Variants in CAMKK1 observed in about 807,000 individuals in gnomAD.
CAMKK1 encodes calcium/calmodulin dependent protein kinase kinase 1, also known as calcium/calmodulin-dependent protein kinase kinase 1.
Under a neutral mutation model 63.5 loss-of-function variants are expected in CAMKK1, and 20 were observed. The ratio of observed to expected loss-of-function variants is 0.32; its 90% confidence interval spans 0.22 to 0.46. The LOEUF (loss-of-function observed/expected upper bound fraction) is 0.46. Ranked by LOEUF, CAMKK1 falls within the 20% of genes least tolerant of loss-of-function variation. The probability of loss-of-function intolerance (pLI) is 1.00; values close to 1 mark genes in which losing one functional copy is unlikely to be tolerated. For missense variants in CAMKK1, 588 were observed against 658.1 expected, an observed-to-expected ratio of 0.89 and a Z score of 1.17; for synonymous variants, 253 against 269.0, an observed-to-expected ratio of 0.94 and a Z score of 0.58.
At chr17:3,878,547 C>G (rs562044793) in intron 9 of CAMKK1, among the ~76,000 whole-genome samples, 1 of 152,336 alleles carries the variant, frequency 6.6e-6, no homozygotes, top group Admixed American at 6.5e-5. Context: ...CTTCCCATCC[C>G]ATGCCTCTAG....
chr17:3,882,918 A>G lies in CAMKK1; in HGVS notation c.648+124T>C. The stretch of plus-strand genomic sequence containing the variant: ...ACCCCAAGTCTGGCCCTGTCCTCAG[A>G]GGCCTCAGCCACATCTGCCACCTGG... On this transcript the variant is annotated intron_variant, in intron 6 of 15. Transcript: ENST00000348335. The surrounding 1 kb of genome is among the most constrained non-coding windows in gnomAD (Gnocchi z 4.3). 7.8e-7 allele frequency: 1 copy of G among 1,284,292 alleles called. No individual in the cohort carries two copies. Among genetic ancestry groups the G allele is most frequent in the Non-Finnish European group, 1.1e-6 (1 of 928,194 alleles). The allele number at this position is 1,284,292 out of a possible 1,614,324, so 79.6% of individuals were successfully genotyped here. A position where few individuals can be genotyped will look rare whatever the true frequency, so the allele number is the denominator to read the frequency against.
In CAMKK1 at chr17:3,879,202, C is replaced by G. The variant is rs561825940; in HGVS notation, c.796+1144G>C. 3 of 152,556 alleles carry G rather than the reference C, an allele frequency of 2.0e-5. No individual in the cohort carries two copies. Among genetic ancestry groups the G allele is most frequent in the Non-Finnish European group, 4.4e-5 (3 of 68,318 alleles). 9.5% of individuals were successfully genotyped at this position (152,556 alleles called of 1,614,324 possible). A position where few individuals can be genotyped will look rare whatever the true frequency, so the allele number is the denominator to read the frequency against. On this transcript the variant is annotated intron_variant, in intron 9 of 15. Coordinates refer to ENST00000348335, the MANE Select transcript of CAMKK1 (RefSeq NM_032294.3). This position sits in a 1 kb window ranked among gnomAD's most constrained non-coding sequence, Gnocchi z 4.5. ...TCTAGGGGCTCTCCTCTCCCCAGAC[C>G]GGCAAGTCACTCCATGCTGACCACC...
chr17:3,871,736 C>T, intron 12 of CAMKK1, among the ~76,000 whole-genome samples: 1 of 149,940 alleles, frequency 6.7e-6, no homozygotes, highest in East Asian at 2.0e-4. Context: ...ACCTCTGCCT[C>T]CTGGGTTCAA....
At chr17:3,886,089 A>G (rs1353336040) in intron 1 of CAMKK1, among the ~76,000 whole-genome samples, 1 of 152,256 alleles carries the variant, frequency 6.6e-6, no homozygotes, top group Non-Finnish European at 1.5e-5. Flanking sequence ...GCTCAGCCCC[A>G]GCACAGCATG....
rs565397453 is a variant in CAMKK1, at chr17:3,870,893, C to T, written c.1125-1005G>A. Among the ~76,000 whole-genome samples, 28 of 152,158 alleles carry T rather than the reference C, an allele frequency of 1.8e-4. No homozygotes were observed. The South Asian group carries it at 5.6e-3, about 30-fold the overall frequency. On this transcript the variant is annotated intron_variant, in intron 12 of 15. Transcript: ENST00000348335. ...TGGAGGCAGGGAGGGAAGGCAACCA[C>T]AGGATGAGGAGGAAATGGACAGAAG...
At chr17:3,873,518 C>A (rs1597461124) in intron 10 of CAMKK1, 56 bp from the exon 11 acceptor site, 2 of 1,571,196 alleles carry the variant, frequency 1.3e-6, no homozygotes, top group East Asian at 2.2e-5. Flanking sequence ...CTCTGCCCAC[C>A]CAGCTCCAGC....
chr17:3,889,258 A>G lies in CAMKK1; in HGVS notation c.-43-3528T>C, dbSNP rs966989713. ...TTCCCAAGCTCAGGCCTTAGTAGAT[A>G]CTCTGTAGAAACTTAATTCGGTGGA... On this transcript the variant is annotated intron_variant, in intron 1 of 15. Transcript: ENST00000348335. This position sits in a 1 kb window ranked among gnomAD's most constrained non-coding sequence, Gnocchi z 5.2. Among the ~76,000 whole-genome samples the G allele has an allele frequency of 1.3e-5, 2 of 151,948 alleles. No individual in the cohort carries two copies. The highest frequency in any genetic ancestry group is 4.8e-5 in the African/African-American group (2 of 41,340).
chr17:3,888,780 C>T (rs992050171), intron 1 of CAMKK1, among the ~76,000 whole-genome samples: 2 of 152,182 alleles, frequency 1.3e-5, no homozygotes, highest in Non-Finnish European at 2.9e-5. Flanking sequence ...GCGAGGGAGG[C>T]GGCCGGCCGG....
At position 3,892,547 on chromosome 17, in the gene CAMKK1, TG is replaced by T. The variant is rs2055941749; in HGVS notation, c.-44+391del. ...TGCAGGAAGACGCTCCGGCGGGCCG[TG>T]GGAGGAGCGCTCCGCGGAGAACCGC... On this transcript the variant is annotated intron_variant, in intron 1 of 15. Coordinates refer to ENST00000348335, the MANE Select transcript of CAMKK1 (RefSeq NM_032294.3). This position sits in a 1 kb window ranked among gnomAD's most constrained non-coding sequence, Gnocchi z 7.5. Among the ~76,000 whole-genome samples the T allele has an allele frequency of 6.6e-6, 1 of 151,848 alleles. No homozygotes were observed.
In CAMKK1 at chr17:3,892,776, C is replaced by A. The variant is rs373057764; in HGVS notation, c.-44+163G>T. ...CCGCGAGGCACCCCGCAGACCCGGC[C>A]CCGCAGACAGAAGGGGAAGGATCCC... is the stretch of plus-strand genomic sequence containing the variant. On this transcript the variant is annotated intron_variant, in intron 1 of 15. Transcript: ENST00000348335. The surrounding 1 kb of genome is among the most constrained non-coding windows in gnomAD (Gnocchi z 7.5). 1.1e-4 allele frequency among the ~76,000 whole-genome samples: 17 copies of A among 152,238 alleles called. No individual in the cohort carries two copies. In the South Asian group the frequency reaches 3.5e-3, roughly 32 times the overall value.
chr17:3,890,858 C>A lies in CAMKK1; in HGVS notation c.-44+2081G>T. The A allele has an allele frequency of 1.3e-6, 1 of 744,236 alleles. No individual in the cohort carries two copies. The allele number at this position is 744,236 out of a possible 1,614,324, so 46.1% of individuals were successfully genotyped here. ...TGAGCCCTCCTTGATCTCCCCACTA[C>A]CTGCTGGGTGAGCTCACCAAGTCAA... On this transcript the variant is annotated intron_variant, in intron 1 of 15. Coordinates refer to ENST00000348335, the MANE Select transcript of CAMKK1 (RefSeq NM_032294.3). The surrounding 1 kb of genome is among the most constrained non-coding windows in gnomAD (Gnocchi z 6.5).
At position 3,882,470 on chromosome 17, in the gene CAMKK1, A is replaced by G; in HGVS notation, c.685+58T>C. 6 of 1,597,980 alleles carry G rather than the reference A, an allele frequency of 3.8e-6. No individual in the cohort carries two copies. Among genetic ancestry groups the G allele is most frequent in the Non-Finnish European group, 5.1e-6 (6 of 1,168,380 alleles). ...CCACCTGAAGGTCATACATGTCCCA[A>G]GGGAGCCCTTGGGCCAGCCCTGAGT... On this transcript the variant is annotated intron_variant, in intron 7 of 15. Coordinates refer to ENST00000348335, the MANE Select transcript of CAMKK1 (RefSeq NM_032294.3). This position sits in a 1 kb window ranked among gnomAD's most constrained non-coding sequence, Gnocchi z 4.3.
rs1444854853 is a variant in CAMKK1, at chr17:3,861,522, A to C, written c.*689T>G. ...CAGTCCAGGAAAGTTAGTTCCATCCACTTGGCTGCCAAATAATCTTGGGCT... is the reference window on the plus strand; with the variant it reads ...CAGTCCAGGAAAGTTAGTTCCATCCCCTTGGCTGCCAAATAATCTTGGGCT... On this transcript the variant is annotated 3_prime_UTR_variant, in exon 16 of 16. Transcript: ENST00000348335. 2 of 152,528 alleles carry C rather than the reference A, an allele frequency of 1.3e-5. No individual in the cohort carries two copies. The highest frequency in any genetic ancestry group is 2.9e-5 in the Non-Finnish European group (2 of 68,278). 9.4% of individuals were successfully genotyped at this position (152,528 alleles called of 1,614,324 possible). A position where few individuals can be genotyped will look rare whatever the true frequency, so the allele number is the denominator to read the frequency against.
At chr17:3,874,811 T>A (rs963238519) in intron 10 of CAMKK1, among the ~76,000 whole-genome samples, 4 of 151,714 alleles carry the variant, frequency 2.6e-5, no homozygotes, top group African/African-American at 9.7e-5. Context: ...GCCTGACCGA[T>A]ATATAAGTCT....
intron 14 of CAMKK1, 47 bp downstream of exon 14, chr17:3,869,439 TC>T (rs746413974): frequency 1.1e-5 from 18 of 1,610,540 alleles, no homozygotes; most frequent in Non-Finnish European, 1.4e-5. Context: ...AAGGCTCAGG[TC>T]CCCCAGGCCC....
At chr17:3,867,052 C>T (rs574277287) in intron 14 of CAMKK1, among the ~76,000 whole-genome samples, 1 of 152,248 alleles carries the variant, frequency 6.6e-6, no homozygotes, top group Admixed American at 6.5e-5. Flanking sequence ...TTGGGGGAGA[C>T]AGGCGATAAG....
At chr17:3,888,763 C>T (rs1253735318) in intron 1 of CAMKK1, among the ~76,000 whole-genome samples, 1 of 152,172 alleles carries the variant, frequency 6.6e-6, no homozygotes, top group Non-Finnish European at 1.5e-5. Flanking sequence ...GGTGACTAAG[C>T]GCGTCTGCGA....
intron 14 of CAMKK1, among the ~76,000 whole-genome samples, chr17:3,866,237 G>A (rs2054517775): frequency 6.6e-6 from 1 of 152,238 alleles, no homozygotes; most frequent in Non-Finnish European, 1.5e-5. Context: ...GAGGGGGCCG[G>A]GACCAGCCCA....
At chr17:3,868,775 C>G (rs558551383) in intron 14 of CAMKK1, among the ~76,000 whole-genome samples, 1 of 151,864 alleles carries the variant, frequency 6.6e-6, no homozygotes, top group African/African-American at 2.4e-5. Context: ...GCCTCGGCCT[C>G]CCCAGTAGCT....
Sources: allele counts gnomAD v4.1 joint callset (sites outside exome capture counted in the v4.1 genomes callset), GRCh38; gene constraint gnomAD v4.1.1; non-coding constraint Gnocchi (gnomAD v3.1); transcripts MANE v1.5; gene names NCBI Gene and HGNC (gene_info 2026-07-23, HGNC 2026-07-21).